Variants in SP140 observed in about 807,000 individuals in gnomAD.
The protein encoded by SP140 is SP140 nuclear body protein.
A neutral mutation model predicts 125.0 loss-of-function variants in SP140; 81 were observed. The ratio of observed to expected loss-of-function variants is 0.65; its 90% CI spans 0.54 to 0.78. SP140 has a LOEUF of 0.78. Ranked by LOEUF, SP140 falls within the 30% of genes least tolerant of loss-of-function variation. SP140 has a pLI of 0.00. For missense variants in SP140, 858 were observed against 1,037.0 expected (o/e 0.83, Z 2.37); for synonymous variants, 312 against 354.0 (o/e 0.88, Z 1.33).
At chr2:230,198,564 C>T (rs1000299830), upstream of SP140, among the ~76,000 whole-genome samples, 8 of 152,036 alleles carry the variant, frequency 5.3e-5, no homozygotes, top group East Asian at 1.9e-4. Flanking sequence ...CAGGTGTGGC[C>T]GTGCAACCAG....
At chr2:230,284,928 G>T (rs1025855654) in intron 16 of SP140, among the ~76,000 whole-genome samples, 8 of 152,074 alleles carry the variant, frequency 5.3e-5, no homozygotes, top group African/African-American at 1.9e-4. Flanking sequence ...GTTACATTTG[G>T]TCAGTGTAAT....
chr2:230,311,477 AG>A lies in SP140; in HGVS notation c.2389del (p.Glu797SerfsTer12). On this transcript the variant is annotated frameshift_variant, in exon 26 of 27. Transcript: ENST00000392045. LOFTEE classifies it high-confidence loss of function. ...YYIREACQGL[K>X]EPMWLDKIKK... ...ATTAGAGAGGCGTGTCAAGGCCTGA[AG>A]GAGCCCATGTGGTTGGATAAAATCA... is the stretch of plus-strand genomic sequence containing the variant. The A allele has an allele frequency of 6.2e-7, 1 of 1,609,922 alleles. No homozygotes were observed.
chr2:230,211,560 G>A lies in SP140; in HGVS notation c.-322-2094G>A. 5.7e-6 allele frequency: 9 copies of A among 1,580,854 alleles called. No individual in the cohort carries two copies. The highest frequency in any genetic ancestry group is 7.8e-6 in the Non-Finnish European group (9 of 1,149,666). ...ATCAGGTTGTCACTGGCCACTGAATGGAGGAAGAAAAAGTTTTAGATCTCA... is the reference window on the plus strand; with the variant it reads ...ATCAGGTTGTCACTGGCCACTGAATAGAGGAAGAAAAAGTTTTAGATCTCA... On this transcript the variant is annotated intron_variant, in intron 1 of 4. Transcript: ENST00000456542. The surrounding 1 kb of genome is among the most constrained non-coding windows in gnomAD (Gnocchi z 4.2).
chr2:230,268,191 A>G (rs1444595628), intron 12 of SP140, among the ~76,000 whole-genome samples: 1 of 152,202 alleles, frequency 6.6e-6, no homozygotes, highest in East Asian at 1.9e-4. Flanking sequence ...ATTAACAGGC[A>G]TAAGCCACCA....
chr2:230,230,737 A>G (rs1456615286), intron 1 of SP140, among the ~76,000 whole-genome samples: 1 of 152,172 alleles, frequency 6.6e-6, no homozygotes, highest in Non-Finnish European at 1.5e-5. Flanking sequence ...AGATCATTTG[A>G]TATTTATGCA....
At chr2:230,269,144 A>G (rs116580001) in intron 12 of SP140, among the ~76,000 whole-genome samples, 2,142 of 152,232 alleles carry the variant, frequency 0.014, 52 homozygotes, top group African/African-American at 0.048. Flanking sequence ...TGGGCTTCAG[A>G]TATGTAGAAC....
rs763624833 is a variant in SP140, at chr2:230,312,587, A to G, written c.2507A>G (p.Tyr836Cys). 3.1e-6 allele frequency: 5 copies of G among 1,600,550 alleles called. No homozygotes were observed. In the South Asian group the frequency reaches 4.4e-5, roughly 14 times the overall value. Residue 836 changes from tyrosine (Y) to cysteine (C), a missense_variant and splice_region_variant, in exon 27 of 27, where the codon TAC (tyrosine) becomes TGC (cysteine). Physicochemically the swap from Tyr to Cys is radical, Grantham distance 194 (BLOSUM62 -2). Coordinates refer to ENST00000392045, the MANE Select transcript of SP140 (RefSeq NM_007237.5). The stretch of plus-strand genomic sequence containing the variant: ...TTTTTGTCTTTATTATTTTTTCAGT[A>G]CAAGGATTTTGGCCAAATGGGATTT... ...IFQNHRASYK[Y>C]KDFGQMGFRL...
Position 230,292,638 on chromosome 2 carries a change from T to A in SP140, c.1826-8T>A, listed in dbSNP as rs2057262254. ...AGGGCTCAGGATCAAGTTACCCTGG[T>A]CTTACAGGAATCTTGGTGAAGTGTA... On this transcript the variant is annotated splice_polypyrimidine_tract_variant and splice_region_variant and intron_variant, in intron 19 of 26. Transcript: ENST00000392045. The A allele has an allele frequency of 1.2e-6, 2 of 1,613,966 alleles. No homozygotes were observed.
chr2:230,306,038 C>T (rs912773639), intron 22 of SP140, among the ~76,000 whole-genome samples: 6 of 152,184 alleles, frequency 3.9e-5, no homozygotes, highest in Non-Finnish European at 5.9e-5. Context: ...CAGATGCTGG[C>T]CTGGGCCTGG....
rs952112630 is a variant in SP140, at chr2:230,253,386, G to A, written c.1128G>A (p.Lys376=). The A allele has an allele frequency of 6.2e-7, 1 of 1,610,210 alleles. No individual in the cohort carries two copies. The highest frequency in any genetic ancestry group is 1.3e-5 in the African/African-American group (1 of 74,798). ...PQVTNEGEPE[K]ELSLLPGEGE... ...TCACTAATGAAGGAGAACCAGAGAA[G>A]GAGCTCAGTCTACTACCAGGTGAAG... Residue 376 remains lysine (K), a synonymous_variant, in exon 11 of 27, where the codon AAG becomes AAA. Coordinates refer to ENST00000392045, the MANE Select transcript of SP140 (RefSeq NM_007237.5).
rs1203244117 is a variant in SP140, at chr2:230,242,512, T to C, written c.490+1025T>C. Among the ~76,000 whole-genome samples the C allele has an allele frequency of 2.6e-5, 4 of 152,234 alleles. No individual in the cohort carries two copies. The East Asian group carries it at 7.7e-4, about 29-fold the overall frequency. On this transcript the variant is annotated intron_variant, in intron 4 of 26. Coordinates refer to ENST00000392045, the MANE Select transcript of SP140 (RefSeq NM_007237.5). ...TCTCCACTCTAAATTATCTTTAGAGTACATTTATTCATGGACCTGAGGACC... is the reference window on the plus strand; with the variant it reads ...TCTCCACTCTAAATTATCTTTAGAGCACATTTATTCATGGACCTGAGGACC...
chr2:230,251,397 A>G (rs2050343099), intron 10 of SP140, among the ~76,000 whole-genome samples: 1 of 152,154 alleles, frequency 6.6e-6, no homozygotes, highest in Non-Finnish European at 1.5e-5. Flanking sequence ...ATTTTACTGA[A>G]TAAGATCTCC....
rs143535052 is a variant in SP140 at position 230,226,574 on chromosome 2, C to T, written c.59+671C>T. ...ATGTAAGACAATGAGACCAGTCTGA[C>T]CAACGTGGAGAAACCCTGTCTTTAC... On this transcript the variant is annotated intron_variant, in intron 1 of 26. Coordinates refer to ENST00000392045, the MANE Select transcript of SP140 (RefSeq NM_007237.5). 1.9e-3 allele frequency among the ~76,000 whole-genome samples: 286 copies of T among 152,116 alleles called. 3 individuals are homozygous for T. Among genetic ancestry groups the T allele is most frequent in the African/African-American group, 6.6e-3 (275 of 41,488 alleles).
At chr2:230,254,547 A>G (rs1481068193) in intron 11 of SP140, among the ~76,000 whole-genome samples, 2 of 152,056 alleles carry the variant, frequency 1.3e-5, no homozygotes, top group Non-Finnish European at 2.9e-5. Context: ...GGAACTGAAC[A>G]CCTCACAGTG....
At chr2:230,297,227 A>G (rs72990212) in intron 21 of SP140, among the ~76,000 whole-genome samples, 194 bp from the exon 22 acceptor site, 385 of 152,360 alleles carry the variant, frequency 2.5e-3, no homozygotes, top group Non-Finnish European at 4.7e-3. Flanking sequence ...TACTGTTTAC[A>G]TCAGGTTTCA....
intron 11 of SP140, among the ~76,000 whole-genome samples, chr2:230,255,128 A>T (rs1286460535): frequency 1.3e-5 from 2 of 152,214 alleles, no homozygotes; most frequent in Non-Finnish European, 2.9e-5. Flanking sequence ...ATGGAAACAA[A>T]GAGAAGCACC....
upstream of SP140, among the ~76,000 whole-genome samples, chr2:230,222,283 G>A (rs548193014): frequency 3.3e-5 from 5 of 151,118 alleles, no homozygotes; most frequent in East Asian, 7.7e-4. Context: ...ATGGGAAAAC[G>A]TCACCTGTTA....
chr2:230,303,193 C>T (rs2058457889), intron 22 of SP140, among the ~76,000 whole-genome samples: 1 of 152,012 alleles, frequency 6.6e-6, no homozygotes, highest in Admixed American at 6.5e-5. Context: ...AGAGAAGATC[C>T]AAATAAGCCC....
At chr2:230,207,490 C>A (rs1330325366) in intron 1 of SP140, among the ~76,000 whole-genome samples, 1 of 152,162 alleles carries the variant, frequency 6.6e-6, no homozygotes, top group Non-Finnish European at 1.5e-5. Context: ...CTATACACAG[C>A]TGCATAGATG....
Sources: gnomAD v4.1 joint callset for allele counts (sites outside exome capture counted in the v4.1 genomes callset) on GRCh38, gnomAD v4.1.1 for gene constraint, Gnocchi (gnomAD v3.1) non-coding constraint, MANE v1.5 for transcripts, NCBI Gene and HGNC (gene_info 2026-07-23, HGNC 2026-07-21) for gene names.